MEGF10: variants seen among roughly 807,000 people sequenced by gnomAD.
MEGF10 encodes the protein multiple epidermal growth factor-like domains protein 10.
Under a neutral mutation model 147.5 loss-of-function variants are expected in MEGF10, and 86 were observed. That is an observed-to-expected ratio of 0.58 (90% confidence interval 0.49 to 0.70). The LOEUF is 0.70. MEGF10 is among the 30% of genes least tolerant of loss of function. The pLI is 0.00. For synonymous variants in MEGF10, 478 were observed against 525.5 expected, an observed-to-expected ratio of 0.91 and a Z score of 1.24; for missense variants, 1,329 against 1,487.3, an observed-to-expected ratio of 0.89 and a Z score of 1.75.
chr5:127,439,248 G>A (rs61021426), intron 17 of MEGF10, among the ~76,000 whole-genome samples: 10,426 of 152,194 alleles, frequency 0.069, 1,204 homozygotes, highest in African/African-American at 0.24. Context: ...TTACTCCAAA[G>A]CTGAGCATCA....
intron 12 of MEGF10, among the ~76,000 whole-genome samples, chr5:127,421,867 T>G (rs1269088055): frequency 6.7e-6 from 1 of 149,448 alleles, no homozygotes; most frequent in Non-Finnish European, 1.5e-5. Flanking sequence ...TTATAAATTT[T>G]TTTATATTTT....
chr5:127,396,357 G>A (rs770485366), intron 5 of MEGF10, among the ~76,000 whole-genome samples, 175 bp from the exon 6 acceptor site: 5 of 152,192 alleles, frequency 3.3e-5, no homozygotes, highest in African/African-American at 7.2e-5. Context: ...GACAGGAGGT[G>A]GCCCAGTTGG....
intron 5 of MEGF10, among the ~76,000 whole-genome samples, chr5:127,383,827 C>T (rs781366475): frequency 1.3e-5 from 2 of 152,114 alleles, no homozygotes; most frequent in Non-Finnish European, 2.9e-5. Flanking sequence ...TAGCATTATT[C>T]GTAGTCTCTC....
the MEGF10 span, among the ~76,000 whole-genome samples, chr5:127,274,338 G>A: frequency 6.6e-6 from 1 of 152,062 alleles, no homozygotes; most frequent in African/African-American, 2.4e-5. Flanking sequence ...ACCTGAAAAT[G>A]GACTAATAGA....
At chr5:127,323,193 T>C (rs568210350) in intron 1 of MEGF10, among the ~76,000 whole-genome samples, 9 of 152,192 alleles carry the variant, frequency 5.9e-5, no homozygotes, top group Admixed American at 1.3e-4. Flanking sequence ...GAAACATTTA[T>C]TTGTAGATGA....
At chr5:127,394,976 A>G (rs1763843770) in intron 5 of MEGF10, among the ~76,000 whole-genome samples, 1 of 152,214 alleles carries the variant, frequency 6.6e-6, no homozygotes, top group Admixed American at 6.5e-5. Context: ...CGAATTCAGT[A>G]CTTCTGATGA....
At chr5:127,389,384 C>A (rs1400886614) in intron 5 of MEGF10, among the ~76,000 whole-genome samples, 4 of 152,130 alleles carry the variant, frequency 2.6e-5, no homozygotes, top group South Asian at 2.1e-4. Flanking sequence ...GAGCTGAAAG[C>A]AGAACTACCA....
the MEGF10 span, among the ~76,000 whole-genome samples, chr5:127,254,864 G>C: frequency 2.6e-5 from 4 of 151,466 alleles, no homozygotes; most frequent in Non-Finnish European, 5.9e-5. Flanking sequence ...TCACCTGACA[G>C]GTTCTTTTTG....
At chr5:127,311,491 G>A (rs1760284189) in intron 1 of MEGF10, among the ~76,000 whole-genome samples, 1 of 152,206 alleles carries the variant, frequency 6.6e-6, no homozygotes, top group Admixed American at 6.5e-5. Flanking sequence ...TGAGTTAGGT[G>A]AGTATTTGAG....
chr5:127,415,184 T>A (rs994201358), intron 9 of MEGF10, among the ~76,000 whole-genome samples: 1 of 152,144 alleles, frequency 6.6e-6, no homozygotes, highest in African/African-American at 2.4e-5. Flanking sequence ...AGTGGCCAGA[T>A]GATGAGGCCC....
Position 127,440,851 on chromosome 5 carries a change from A to G in MEGF10, c.2346A>G (p.Gly782=). 1 of 1,614,058 alleles carries G rather than the reference A, an allele frequency of 6.2e-7. No individual in the cohort carries two copies. The highest frequency in any genetic ancestry group is 8.5e-7 in the Non-Finnish European group (1 of 1,179,950). The change falls in exon 18 of 25, where the codon GGA becomes GGG. Residue 782 remains glycine, a synonymous_variant. Transcript: ENST00000503335. ...GTACTTGCCGCACTGGATTCATGGG[A>G]CGGCACTGTGAGCAGAGTAAGTATG... ...GQCTCRTGFM[G]RHCEQKCPSG... is the part of the protein sequence containing the mutation.
chr5:127,401,008 C>A (rs1447214962), intron 7 of MEGF10, among the ~76,000 whole-genome samples: 3 of 152,180 alleles, frequency 2.0e-5, no homozygotes, highest in Non-Finnish European at 2.9e-5. Flanking sequence ...GAAGAGAAAT[C>A]ATGTCCTCTT....
chr5:127,424,395 G>A (rs1205404521), intron 13 of MEGF10: 2 of 817,906 alleles, frequency 2.4e-6, no homozygotes, highest in Admixed American at 4.0e-5. Flanking sequence ...ACATCAATAT[G>A]TTAATTTCCA....
At chr5:127,306,421 A>G (rs1760014326) in intron 1 of MEGF10, among the ~76,000 whole-genome samples, 1 of 152,238 alleles carries the variant, frequency 6.6e-6, no homozygotes, top group African/African-American at 2.4e-5. Context: ...TTCTTTAAAA[A>G]AAACAAGCAA....
At chr5:127,248,946 C>T in the MEGF10 span, among the ~76,000 whole-genome samples, 1 of 150,912 alleles carries the variant, frequency 6.6e-6, no homozygotes, top group Non-Finnish European at 1.5e-5. Flanking sequence ...TATTTGTCCA[C>T]AATAGCCATG....
the MEGF10 span, among the ~76,000 whole-genome samples, chr5:127,236,160 A>G: frequency 6.6e-6 from 1 of 151,932 alleles, no homozygotes; most frequent in African/African-American, 2.4e-5. Flanking sequence ...TTTAGTAGAG[A>G]TGGGGTTTCA....
At position 127,406,542 on chromosome 5, in the gene MEGF10, A is replaced by T. The variant is rs529081651; in HGVS notation, c.918-3847A>T. On this transcript the variant is annotated intron_variant, in intron 8 of 24. Coordinates refer to ENST00000503335, the MANE Select transcript of MEGF10 (RefSeq NM_001256545.2). ...TGATAGGCTGGGGTCTTAATTTGCCATTTCCCTTGTTTTGAGAAGTCAGTG... is the reference window on the plus strand; with the variant it reads ...TGATAGGCTGGGGTCTTAATTTGCCTTTTCCCTTGTTTTGAGAAGTCAGTG... Among the ~76,000 whole-genome samples the T allele has an allele frequency of 3.1e-3, 469 of 152,296 alleles. 2 individuals carry two copies. The highest frequency in any genetic ancestry group is 4.6e-3 in the Non-Finnish European group (314 of 68,016).
intron 5 of MEGF10, among the ~76,000 whole-genome samples, chr5:127,384,577 C>G (rs1434711741): frequency 6.6e-6 from 1 of 152,112 alleles, no homozygotes. Context: ...ACCCCTTTTT[C>G]TGGTTCATAA....
chr5:127,315,672 G>T (rs1487424586), intron 1 of MEGF10, among the ~76,000 whole-genome samples: 2 of 152,090 alleles, frequency 1.3e-5, no homozygotes, highest in East Asian at 3.9e-4. Flanking sequence ...TACTCAGGAG[G>T]CTGAGGTGAG....
Sources: allele counts gnomAD v4.1 joint callset (sites outside exome capture counted in the v4.1 genomes callset), GRCh38; gene constraint gnomAD v4.1.1; transcripts MANE v1.5; gene names NCBI Gene and HGNC (gene_info 2026-07-23, HGNC 2026-07-21).